Variants in CSMD1 observed in about 807,000 individuals in gnomAD.
CSMD1 encodes CUB and Sushi multiple domains 1.
In CSMD1, 213 loss-of-function variants were observed where a neutral mutation model predicts 417.5. The ratio of observed to expected loss-of-function variants is 0.51; its 90% confidence interval spans 0.46 to 0.57. The LOEUF is 0.57. Ranked by LOEUF, CSMD1 falls within the 20% of genes least tolerant of loss-of-function variation. CSMD1 has a pLI of 0.00. For synonymous variants in CSMD1, 2,862 were observed against 1,736.8 expected, an observed-to-expected ratio of 1.65 and a Z score of -16.11; for missense variants, 6,923 against 4,529.7, an observed-to-expected ratio of 1.53 and a Z score of -15.17.
At chr8:4,122,078 TATCA>T (rs1255470410) in intron 3 of CSMD1, among the ~76,000 whole-genome samples, 1 of 152,056 alleles carries the variant, frequency 6.6e-6, no homozygotes, top group African/African-American at 2.4e-5. Context: ...ATAAAATATA[TATCA>T]ATATCATAGA....
intron 3 of CSMD1, among the ~76,000 whole-genome samples, chr8:4,070,835 T>C (rs1166160376): frequency 1.3e-5 from 2 of 152,336 alleles, no homozygotes; most frequent in African/African-American, 2.4e-5. Flanking sequence ...TTGAAGGTTG[T>C]TTTCACGTGA....
At chr8:3,017,111 G>A (rs1380629022) in intron 52 of CSMD1, among the ~76,000 whole-genome samples, 1 of 152,184 alleles carries the variant, frequency 6.6e-6, no homozygotes, top group East Asian at 1.9e-4. Context: ...CAGTAGAGCA[G>A]CAATCAACTG....
At chr8:4,904,403 G>A (rs1010306371) in intron 1 of CSMD1, among the ~76,000 whole-genome samples, 5 of 152,160 alleles carry the variant, frequency 3.3e-5, no homozygotes, top group African/African-American at 1.2e-4. Context: ...GTCAGGCAAA[G>A]AACAAACAAC....
intron 21 of CSMD1, among the ~76,000 whole-genome samples, chr8:3,350,264 T>C (rs1355851929): frequency 7.2e-6 from 1 of 139,314 alleles, no homozygotes; most frequent in Non-Finnish European, 1.6e-5. Context: ...ATACCTATAA[T>C]AACCTATAAT....
intron 3 of CSMD1, among the ~76,000 whole-genome samples, chr8:4,125,194 T>C (rs1802692729): frequency 1.3e-5 from 2 of 152,070 alleles, no homozygotes; most frequent in African/African-American, 2.4e-5. Flanking sequence ...CCAAAATTAC[T>C]AAACTAAAGG....
At chr8:3,314,537 A>G (rs1805602007) in intron 23 of CSMD1, among the ~76,000 whole-genome samples, 1 of 152,196 alleles carries the variant, frequency 6.6e-6, no homozygotes, top group African/African-American at 2.4e-5. Flanking sequence ...TCAAAGCACT[A>G]TTAAGTATTA....
chr8:4,855,233 G>A (rs1314071099), intron 1 of CSMD1, among the ~76,000 whole-genome samples: 4 of 150,410 alleles, frequency 2.7e-5, no homozygotes, highest in Non-Finnish European at 5.9e-5. Context: ...CTAACAAACA[G>A]AAAGGATATC....
chr8:4,246,546 TTC>T (rs1802720739), intron 3 of CSMD1, among the ~76,000 whole-genome samples: 1 of 152,174 alleles, frequency 6.6e-6, no homozygotes, highest in Non-Finnish European at 1.5e-5. Context: ...CTTAAGATGT[TTC>T]ATGAGGGTTT....
chr8:4,074,754 A>G (rs758472938), intron 3 of CSMD1, among the ~76,000 whole-genome samples: 13 of 152,138 alleles, frequency 8.5e-5, no homozygotes, highest in Non-Finnish European at 1.8e-4. Context: ...AACAAACAAA[A>G]AAAAAACATT....
intron 2 of CSMD1, among the ~76,000 whole-genome samples, chr8:4,433,822 G>C (rs769707246): frequency 4.7e-5 from 7 of 149,826 alleles, no homozygotes; most frequent in African/African-American, 1.7e-4. Context: ...TACTTTTAAT[G>C]AATCTGGAAA....
chr8:3,854,023 A>G (rs185189918), intron 5 of CSMD1, among the ~76,000 whole-genome samples: 1 of 146,034 alleles, frequency 6.8e-6, no homozygotes, highest in African/African-American at 2.5e-5. Context: ...AAATATTATA[A>G]ATATATTAAA....
At chr8:4,229,583 GT>G (rs1801580969) in intron 3 of CSMD1, among the ~76,000 whole-genome samples, 2 of 152,114 alleles carry the variant, frequency 1.3e-5, no homozygotes, top group South Asian at 4.1e-4. Context: ...TACAGGACCT[GT>G]TTCCACTGCA....
At chr8:3,120,706 G>A (rs554472602) in intron 41 of CSMD1, among the ~76,000 whole-genome samples, 14 of 147,344 alleles carry the variant, frequency 9.5e-5, no homozygotes, top group South Asian at 2.2e-4. Flanking sequence ...AATTAGCCAG[G>A]GGGGGTGACC....
intron 3 of CSMD1, among the ~76,000 whole-genome samples, chr8:4,038,040 T>C (rs1333491217): frequency 6.6e-6 from 1 of 152,116 alleles, no homozygotes; most frequent in African/African-American, 2.4e-5. Context: ...TAAATAAGTA[T>C]CAGAGGCTTA....
intron 26 of CSMD1, among the ~76,000 whole-genome samples, chr8:3,257,390 C>T (rs929240465): frequency 2.0e-5 from 3 of 152,214 alleles, no homozygotes; most frequent in African/African-American, 7.2e-5. Context: ...ACACATCAAT[C>T]AACAAATTAG....
intron 1 of CSMD1, among the ~76,000 whole-genome samples, chr8:4,964,557 C>G (rs547280178): frequency 7.6e-6 from 1 of 131,590 alleles, no homozygotes; most frequent in East Asian, 2.4e-4. Flanking sequence ...AAAAGGATGA[C>G]TAGCAGGAGC....
intron 3 of CSMD1, among the ~76,000 whole-genome samples, chr8:4,360,135 G>A (rs192515224): frequency 1.2e-4 from 18 of 152,122 alleles, no homozygotes; most frequent in Admixed American, 1.3e-4. Flanking sequence ...GTTTGGCTGT[G>A]AGGATGATCT....
Position 4,207,309 on chromosome 8 carries a change from A to G in CSMD1, c.416-175210T>C, listed in dbSNP as rs577349573. 5.6e-4 allele frequency among the ~76,000 whole-genome samples: 86 copies of G among 152,286 alleles called. 1 individual carries two copies. The South Asian group carries it at 0.013, about 23-fold the overall frequency. On this transcript the variant is annotated intron_variant, in intron 3 of 69. Coordinates refer to ENST00000635120, the MANE Select transcript of CSMD1 (RefSeq NM_033225.6). ...GGCTGGTCTAAACCATGTTAACGTT[A>G]ACTTTTAGTGGCTAGGACTCGTAAT...
At chr8:4,047,983 T>C (rs1023579516) in intron 3 of CSMD1, among the ~76,000 whole-genome samples, 9 of 152,200 alleles carry the variant, frequency 5.9e-5, no homozygotes, top group Admixed American at 2.6e-4. Flanking sequence ...TTTCTTTTCA[T>C]CCTGAGAGCT....
Sources: allele counts gnomAD v4.1 joint callset (sites outside exome capture counted in the v4.1 genomes callset), GRCh38; gene constraint gnomAD v4.1.1; transcripts MANE v1.5; gene names NCBI Gene and HGNC (gene_info 2026-07-23, HGNC 2026-07-21).